Variants in MAGI1 observed in about 807,000 individuals in gnomAD.
The protein encoded by MAGI1 is membrane associated guanylate kinase, WW and PDZ domain containing 1.
MAGI1 carries 58 observed loss-of-function variants against 139.9 expected under a neutral mutation model. The ratio of observed to expected loss-of-function variants is 0.41; its 90% CI spans 0.34 to 0.52. The LOEUF (loss-of-function observed/expected upper bound fraction) is 0.52. Among genes scored for constraint, MAGI1 ranks in the 20% least tolerant of loss-of-function variants. The pLI is 0.12. For synonymous variants in MAGI1, 812 were observed against 737.9 expected, an observed-to-expected ratio of 1.10 and a Z score of -1.63; for missense variants, 1,874 against 1,901.6, an observed-to-expected ratio of 0.99 and a Z score of 0.27.
At chr3:65,528,253 T>C (rs1297811062) in intron 2 of MAGI1, among the ~76,000 whole-genome samples, 1 of 152,226 alleles carries the variant, frequency 6.6e-6, no homozygotes, top group East Asian at 1.9e-4. Context: ...CACAAATTGA[T>C]ATAACATTGC....
chr3:65,852,733 C>T (rs1234764330), intron 1 of MAGI1, among the ~76,000 whole-genome samples: 3 of 151,946 alleles, frequency 2.0e-5, no homozygotes, highest in South Asian at 2.1e-4. Flanking sequence ...GAACTCCCGA[C>T]CTCAGGTGAT....
chr3:65,910,141 G>A (rs563457922), intron 1 of MAGI1, among the ~76,000 whole-genome samples: 1 of 152,278 alleles, frequency 6.6e-6, no homozygotes, highest in South Asian at 2.1e-4. Context: ...GGGGGTTGGG[G>A]ACCCCTCATC....
At chr3:65,967,268 G>C (rs970404489) in intron 1 of MAGI1, among the ~76,000 whole-genome samples, 3 of 152,150 alleles carry the variant, frequency 2.0e-5, no homozygotes, top group Non-Finnish European at 4.4e-5. Context: ...TCTAAGTAGC[G>C]GGCATACAGG....
intron 2 of MAGI1, among the ~76,000 whole-genome samples, chr3:65,604,044 T>C (rs555680396): frequency 6.0e-4 from 91 of 152,340 alleles, no homozygotes; most frequent in East Asian, 1.2e-3. Flanking sequence ...ATTCACATTA[T>C]AGCACTTTGT....
chr3:65,388,198 C>T (rs2106955344), intron 14 of MAGI1, among the ~76,000 whole-genome samples: 1 of 152,280 alleles, frequency 6.6e-6, no homozygotes. Flanking sequence ...AATACTGCTG[C>T]CTTGAGAGAT....
At chr3:65,587,129 A>C (rs986947886) in intron 2 of MAGI1, among the ~76,000 whole-genome samples, 1 of 152,282 alleles carries the variant, frequency 6.6e-6, no homozygotes, top group Non-Finnish European at 1.5e-5. Flanking sequence ...GCTGGGCCCA[A>C]GACTTTGCTA....
At chr3:65,997,727 A>C (rs953530261) in intron 1 of MAGI1, among the ~76,000 whole-genome samples, 2 of 151,890 alleles carry the variant, frequency 1.3e-5, no homozygotes, top group African/African-American at 4.8e-5. Context: ...CACCATCTAA[A>C]ATTCTCTTGT....
intron 1 of MAGI1, among the ~76,000 whole-genome samples, chr3:65,722,523 C>G (rs1284151360): frequency 6.6e-6 from 1 of 152,022 alleles, no homozygotes; most frequent in Non-Finnish European, 1.5e-5. Context: ...GTCCCAGCTA[C>G]TTAGGAGGCT....
chr3:65,631,999 G>A (rs1056264322), intron 1 of MAGI1, among the ~76,000 whole-genome samples: 7 of 151,032 alleles, frequency 4.6e-5, no homozygotes, highest in African/African-American at 1.2e-4. Flanking sequence ...CACTCCAGCC[G>A]GGGCAACAGA....
At chr3:65,858,587 G>A (rs2059444027) in intron 1 of MAGI1, among the ~76,000 whole-genome samples, 1 of 152,154 alleles carries the variant, frequency 6.6e-6, no homozygotes, top group Non-Finnish European at 1.5e-5. Context: ...TTTTAAATCT[G>A]TTGTACTCTT....
chr3:65,893,573 G>C (rs1295945737), intron 1 of MAGI1, among the ~76,000 whole-genome samples: 2 of 152,106 alleles, frequency 1.3e-5, no homozygotes, highest in East Asian at 1.9e-4. Context: ...AATTACGCGA[G>C]TCCCATTTAC....
chr3:65,532,704 T>C (rs2078768426), intron 2 of MAGI1: 1 of 152,234 alleles, frequency 6.6e-6, no homozygotes, highest in Non-Finnish European at 1.5e-5. Flanking sequence ...AGAAGGAATC[T>C]GGGTCCAGGT....
At chr3:65,422,792 G>T (rs1284540494) in intron 12 of MAGI1, among the ~76,000 whole-genome samples, 1 of 152,138 alleles carries the variant, frequency 6.6e-6, no homozygotes, top group Non-Finnish European at 1.5e-5. Flanking sequence ...GCCGAGGCCT[G>T]AAAGATGTGA....
At chr3:65,859,909 T>TTG (rs200493340) in intron 1 of MAGI1, among the ~76,000 whole-genome samples, 34,701 of 145,016 alleles carry the variant, frequency 0.24, 4,681 homozygotes, top group Middle Eastern at 0.34. Context: ...TGTTTTTGTT[T>TTG]TTTTTTTTTT....
chr3:65,693,079 G>A (rs1466825275), intron 1 of MAGI1, among the ~76,000 whole-genome samples: 1 of 151,900 alleles, frequency 6.6e-6, no homozygotes, highest in Non-Finnish European at 1.5e-5. Context: ...CCTACCATAG[G>A]CATGAGATAC....
intron 2 of MAGI1, among the ~76,000 whole-genome samples, chr3:65,497,856 C>A (rs1952561074): frequency 6.6e-6 from 1 of 152,100 alleles, no homozygotes; most frequent in Non-Finnish European, 1.5e-5. Context: ...AATAAATATG[C>A]TTAGGATGCC....
intron 1 of MAGI1, among the ~76,000 whole-genome samples, chr3:65,832,018 C>T (rs2042558528): frequency 6.6e-6 from 1 of 152,158 alleles, no homozygotes; most frequent in South Asian, 2.1e-4. Context: ...TACCATTTAT[C>T]AGGAGGTCTT....
At chr3:65,458,020 T>C (rs1949517247) in intron 5 of MAGI1, among the ~76,000 whole-genome samples, 1 of 152,170 alleles carries the variant, frequency 6.6e-6, no homozygotes, top group Non-Finnish European at 1.5e-5. Flanking sequence ...CTTTAATTTT[T>C]AGTTCCACAA....
rs11436319 is a variant in MAGI1, at chr3:65,477,715, T to TATTATTA, written c.757+876_757+877insTAATAAT. On this transcript the variant is annotated intron_variant, in intron 4 of 22. Transcript: ENST00000402939. ...AACATTATTATTATTATTATTATTT[T>TATTATTA]TTTTTTTTTATTTATATTTTTTGAG... 5.3e-4 allele frequency among the ~76,000 whole-genome samples: 79 copies of TATTATTA among 147,932 alleles called. 2 individuals carry two copies. In the East Asian group the frequency reaches 6.1e-3, roughly 11 times the overall value.
Sources: gnomAD v4.1 joint callset for allele counts (sites outside exome capture counted in the v4.1 genomes callset) on GRCh38, gnomAD v4.1.1 for gene constraint, MANE v1.5 for transcripts, NCBI Gene and HGNC (gene_info 2026-07-23, HGNC 2026-07-21) for gene names.